Variants in ZC3H12B observed in about 807,000 individuals in gnomAD.
ZC3H12B encodes the protein zinc finger CCCH-type containing 12B.
Under a neutral mutation model 43.9 loss-of-function variants are expected in ZC3H12B, and 7 were observed. The ratio of observed to expected loss-of-function variants is 0.16; its 90% confidence interval spans 0.09 to 0.30. The LOEUF (loss-of-function observed/expected upper bound fraction) is 0.30, where lower values mean the gene tolerates loss of function less well. ZC3H12B is among the 10% of genes least tolerant of loss of function. The pLI, the probability that ZC3H12B is intolerant of heterozygous loss-of-function variation, is 1.00. For missense variants in ZC3H12B, 475 were observed against 670.2 expected, an observed-to-expected ratio of 0.71 and a Z score of 3.22; for synonymous variants, 222 against 241.7, an observed-to-expected ratio of 0.92 and a Z score of 0.76.
intron 3 of ZC3H12B, among the ~76,000 whole-genome samples, chrX:65,429,074 G>A (rs1352495840): frequency 8.9e-6 from 1 of 111,917 alleles, no homozygotes; most frequent in Non-Finnish European, 1.9e-5. Context: ...CCTACCTGGT[G>A]GTATCACCAG....
chrX:65,067,998 T>G, the ZC3H12B span, among the ~76,000 whole-genome samples: 1 of 110,997 alleles, frequency 9.0e-6, no homozygotes, highest in Admixed American at 9.6e-5. Flanking sequence ...TGACCACTGG[T>G]CATTCAGTGG....
the ZC3H12B span, among the ~76,000 whole-genome samples, chrX:65,173,862 A>G: frequency 9.0e-6 from 1 of 111,324 alleles, no homozygotes; most frequent in African/African-American, 3.3e-5. Flanking sequence ...TATTGGCCTG[A>G]AGTTTTTATT....
the ZC3H12B span, among the ~76,000 whole-genome samples, chrX:65,042,755 AAG>A: frequency 2.4e-3 from 264 of 112,091 alleles, no homozygotes; most frequent in African/African-American, 8.0e-3. Context: ...TAAAGAAAAA[AAG>A]AGTTTATTTT....
chrX:65,257,990 C>A, the ZC3H12B span, among the ~76,000 whole-genome samples: 4 of 111,538 alleles, frequency 3.6e-5, no homozygotes, highest in African/African-American at 1.3e-4. Flanking sequence ...CTACTTGTAA[C>A]TATTCCAAAA....
At chrX:65,062,197 C>A in the ZC3H12B span, among the ~76,000 whole-genome samples, 1 of 112,144 alleles carries the variant, frequency 8.9e-6, no homozygotes, top group Non-Finnish European at 1.9e-5. Context: ...GCTTTTGTTG[C>A]CATTGCTTTT....
the ZC3H12B span, among the ~76,000 whole-genome samples, chrX:65,250,074 C>T: frequency 9.0e-6 from 1 of 110,535 alleles, no homozygotes; most frequent in East Asian, 2.8e-4. Context: ...TCTCCTAATG[C>T]TATCCCTCCC....
At chrX:65,420,224 G>C (rs1475420564) in intron 3 of ZC3H12B, among the ~76,000 whole-genome samples, 1 of 111,928 alleles carries the variant, frequency 8.9e-6, no homozygotes, top group Non-Finnish European at 1.9e-5. Context: ...TGGCCCCTAT[G>C]AACCCAGGCT....
At chrX:65,095,050 T>C in the ZC3H12B span, among the ~76,000 whole-genome samples, 113 of 112,298 alleles carry the variant, frequency 1.0e-3, no homozygotes, top group African/African-American at 3.4e-3. Context: ...AGTGATAAAA[T>C]TTGAGCTTTT....
the ZC3H12B span, among the ~76,000 whole-genome samples, chrX:65,332,251 C>T: frequency 4.5e-5 from 5 of 110,642 alleles, no homozygotes; most frequent in Admixed American, 4.8e-4. Context: ...CAATAATATT[C>T]CTCCCTAATT....
chrX:65,485,262 T>C (rs1033921684), upstream of ZC3H12B, among the ~76,000 whole-genome samples: 5 of 112,184 alleles, frequency 4.5e-5, no homozygotes, highest in African/African-American at 1.6e-4. Context: ...CAATTCTATG[T>C]CTTGTTGTTG....
At chrX:65,378,058 C>T (rs933763784) in intron 2 of ZC3H12B, among the ~76,000 whole-genome samples, 9 of 109,890 alleles carry the variant, frequency 8.2e-5, no homozygotes, top group Non-Finnish European at 1.5e-4. Flanking sequence ...GAGATTGTGC[C>T]ACTGCACTCC....
At chrX:65,091,355 G>A in the ZC3H12B span, among the ~76,000 whole-genome samples, 1 of 111,263 alleles carries the variant, frequency 9.0e-6, no homozygotes, top group Admixed American at 9.5e-5. Flanking sequence ...GTTGATTTTG[G>A]CCAAGTGAAA....
At chrX:65,256,588 A>G in the ZC3H12B span, among the ~76,000 whole-genome samples, 1 of 111,784 alleles carries the variant, frequency 8.9e-6, no homozygotes, top group Non-Finnish European at 1.9e-5. Flanking sequence ...TAAAATTTAG[A>G]AACATCTTGA....
At chrX:65,057,861 C>A in the ZC3H12B span, among the ~76,000 whole-genome samples, 1 of 111,987 alleles carries the variant, frequency 8.9e-6, no homozygotes, top group Non-Finnish European at 1.9e-5. Context: ...ACCCTTTCTT[C>A]CAGTTGATCG....
chrX:65,228,094 T>G, the ZC3H12B span, among the ~76,000 whole-genome samples: 1 of 111,507 alleles, frequency 9.0e-6, no homozygotes, highest in Non-Finnish European at 1.9e-5. Flanking sequence ...AGAGAATTTT[T>G]GACCAATATC....
At chrX:65,273,626 C>A in the ZC3H12B span, among the ~76,000 whole-genome samples, 1 of 111,451 alleles carries the variant, frequency 9.0e-6, no homozygotes, top group African/African-American at 3.3e-5. Flanking sequence ...GAGATGAACC[C>A]AAAGACATCC....
chrX:65,291,053 C>G, the ZC3H12B span, among the ~76,000 whole-genome samples: 1 of 111,163 alleles, frequency 9.0e-6, no homozygotes, highest in African/African-American at 3.3e-5. Context: ...TATGTAGTCT[C>G]TGAATTTGAA....
chrX:65,035,988 A>G, the ZC3H12B span, among the ~76,000 whole-genome samples: 1 of 111,473 alleles, frequency 9.0e-6, no homozygotes, highest in African/African-American at 3.3e-5. Context: ...TATAAATACG[A>G]TGATGAAACC....
At chrX:65,449,014 G>A (rs867286442) in intron 3 of ZC3H12B, among the ~76,000 whole-genome samples, 1 of 9,318 alleles carries the variant, frequency 1.1e-4, no homozygotes, top group Non-Finnish European at 2.3e-4. Flanking sequence ...AAGAAAGAAA[G>A]GAAGGAAAGA....
Sources: allele counts gnomAD v4.1 joint callset (sites outside exome capture counted in the v4.1 genomes callset), GRCh38; gene constraint gnomAD v4.1.1; transcripts MANE v1.5; gene names NCBI Gene and HGNC (gene_info 2026-07-23, HGNC 2026-07-21).